UBASH3B: variants seen among roughly 807,000 people sequenced by gnomAD.
The protein encoded by UBASH3B is ubiquitin associated and SH3 domain containing B.
UBASH3B carries 37 observed loss-of-function variants against 83.4 expected under a neutral mutation model. That is an observed-to-expected ratio of 0.44 (90% CI 0.34 to 0.58). UBASH3B has a LOEUF of 0.58. Ranked by LOEUF, UBASH3B falls within the 20% of genes least tolerant of loss-of-function variation. The pLI is 0.01. For synonymous variants in UBASH3B, 304 were observed against 318.3 expected (o/e 0.96, Z 0.48); for missense variants, 657 against 827.2 (o/e 0.79, Z 2.52).
intron 1 of UBASH3B, among the ~76,000 whole-genome samples, chr11:122,715,072 C>T (rs960300896): frequency 2.0e-4 from 30 of 152,204 alleles, no homozygotes; most frequent in African/African-American, 6.5e-4. Flanking sequence ...CAGCCTCCCG[C>T]GTAGCTGGGA....
At chr11:122,747,975 C>T (rs1861145266) in intron 1 of UBASH3B, among the ~76,000 whole-genome samples, 1 of 152,204 alleles carries the variant, frequency 6.6e-6, no homozygotes, top group South Asian at 2.1e-4. Context: ...GAGCATAGTA[C>T]ATACACCACG....
chr11:122,746,920 G>T (rs531613899), intron 1 of UBASH3B, among the ~76,000 whole-genome samples: 3 of 152,322 alleles, frequency 2.0e-5, no homozygotes, highest in Non-Finnish European at 2.9e-5. Context: ...GTGAAATCTT[G>T]ACCTAAAGTC....
intron 1 of UBASH3B, among the ~76,000 whole-genome samples, chr11:122,657,589 C>T (rs11218741): frequency 6.6e-6 from 1 of 152,162 alleles, no homozygotes; most frequent in African/African-American, 2.4e-5. Flanking sequence ...TGTCTCCCCT[C>T]CCTTATCTCT....
At chr11:122,675,149 T>C (rs1863651318) in intron 1 of UBASH3B, among the ~76,000 whole-genome samples, 1 of 152,244 alleles carries the variant, frequency 6.6e-6, no homozygotes, top group Non-Finnish European at 1.5e-5. Flanking sequence ...AAAAACCTTT[T>C]ATTAGACCCG....
intron 5 of UBASH3B, among the ~76,000 whole-genome samples, chr11:122,788,686 G>A (rs1194884030): frequency 6.6e-6 from 1 of 151,972 alleles, no homozygotes; most frequent in Non-Finnish European, 1.5e-5. Flanking sequence ...TGTAACCCCC[G>A]TATGGAAGAC....
chr11:122,768,470 ATGTGTGTG>A lies in UBASH3B; in HGVS notation c.162-7717_162-7710del, dbSNP rs568912747. ...AAGAAAAAGATAGAGATATATATGT[ATGTGTGTG>A]TGTGTGTGTGTGTGTGTGTGTGTGT... On this transcript the variant is annotated intron_variant, in intron 1 of 13. Coordinates refer to ENST00000284273, the MANE Select transcript of UBASH3B (RefSeq NM_032873.5). Among the ~76,000 whole-genome samples the A allele has an allele frequency of 5.9e-4, 82 of 140,136 alleles. 1 individual carries two copies. Among genetic ancestry groups the A allele is most frequent in the African/African-American group, 2.0e-3 (74 of 36,732 alleles). The allele number at this position is 140,136 out of a possible 152,430, so 91.9% of individuals were successfully genotyped here. A position where few individuals can be genotyped will look rare whatever the true frequency, so the allele number is the denominator to read the frequency against.
chr11:122,666,225 C>T (rs75508957), intron 1 of UBASH3B, among the ~76,000 whole-genome samples: 1,727 of 152,278 alleles, frequency 0.011, 38 homozygotes, highest in African/African-American at 0.039. Flanking sequence ...GTTGATGGTG[C>T]GCCTTTCAAA....
intron 11 of UBASH3B, among the ~76,000 whole-genome samples, chr11:122,805,763 G>A (rs955557109): frequency 6.6e-6 from 1 of 152,066 alleles, no homozygotes; most frequent in Non-Finnish European, 1.5e-5. Context: ...GCCGGTGAGG[G>A]ACACACAGTA....
chr11:122,664,460 CTT>C (rs1863487214), intron 1 of UBASH3B, among the ~76,000 whole-genome samples: 4 of 149,900 alleles, frequency 2.7e-5, no homozygotes, highest in African/African-American at 9.8e-5. Context: ...GAACTGAACA[CTT>C]TTGTCATTTT....
intron 1 of UBASH3B, among the ~76,000 whole-genome samples, chr11:122,746,152 T>G (rs1270939017): frequency 6.6e-6 from 1 of 152,208 alleles, no homozygotes; most frequent in Non-Finnish European, 1.5e-5. Flanking sequence ...AACCTAGGAC[T>G]GAGCTAAGGC....
intron 1 of UBASH3B, among the ~76,000 whole-genome samples, chr11:122,725,764 G>T (rs927034317): frequency 6.6e-6 from 1 of 152,056 alleles, no homozygotes; most frequent in Non-Finnish European, 1.5e-5. Flanking sequence ...CTCAATCTTG[G>T]CTCACTGCAA....
At chr11:122,673,171 G>C (rs962570081) in intron 1 of UBASH3B, among the ~76,000 whole-genome samples, 1 of 152,208 alleles carries the variant, frequency 6.6e-6, no homozygotes, top group African/African-American at 2.4e-5. Flanking sequence ...CAGCAAAGGA[G>C]ATGGGAAGCA....
chr11:122,770,787 C>T (rs4936743), intron 1 of UBASH3B, among the ~76,000 whole-genome samples: 144,844 of 152,266 alleles, frequency 0.95, 69,157 homozygotes, highest in Middle Eastern at 0.99. Flanking sequence ...AGTGCCAGAT[C>T]AGTCTCAGCT....
chr11:122,752,954 C>T (rs768681209), intron 1 of UBASH3B, among the ~76,000 whole-genome samples: 22 of 152,206 alleles, frequency 1.4e-4, no homozygotes, highest in Non-Finnish European at 2.8e-4. Flanking sequence ...TGATGGACCT[C>T]ACCTGCCCTT....
chr11:122,803,924 G>A (rs1861296936), intron 11 of UBASH3B, among the ~76,000 whole-genome samples: 1 of 152,116 alleles, frequency 6.6e-6, no homozygotes. Context: ...GACGTGACCT[G>A]CTGACAAGGG....
chr11:122,770,447 G>A (rs998034234), intron 1 of UBASH3B, among the ~76,000 whole-genome samples: 7 of 131,630 alleles, frequency 5.3e-5, no homozygotes, highest in African/African-American at 2.1e-4. Context: ...TCTGAGTCGG[G>A]GATGTCTTAA....
intron 1 of UBASH3B, among the ~76,000 whole-genome samples, chr11:122,706,485 G>T (rs1189176255): frequency 1.3e-5 from 2 of 152,276 alleles, no homozygotes; most frequent in East Asian, 3.9e-4. Flanking sequence ...CTAACAACTT[G>T]TGTTGTTAAG....
At chr11:122,683,125 T>G (rs765471631) in intron 1 of UBASH3B, among the ~76,000 whole-genome samples, 29 of 151,832 alleles carry the variant, frequency 1.9e-4, no homozygotes, top group Non-Finnish European at 8.8e-5. Context: ...GGTGCATGCC[T>G]GTAGTCACAG....
chr11:122,714,432 G>A (rs938795757), intron 1 of UBASH3B, among the ~76,000 whole-genome samples: 7 of 152,200 alleles, frequency 4.6e-5, no homozygotes, highest in African/African-American at 1.7e-4. Flanking sequence ...AGGGGACACT[G>A]AAGAAGAACA....
Sources: allele counts gnomAD v4.1 joint callset (sites outside exome capture counted in the v4.1 genomes callset), GRCh38; gene constraint gnomAD v4.1.1; transcripts MANE v1.5; gene names NCBI Gene and HGNC (gene_info 2026-07-23, HGNC 2026-07-21).